MCM6: variants seen among roughly 807,000 people sequenced by gnomAD.
The protein encoded by MCM6 is minichromosome maintenance complex component 6, also known as DNA replication licensing factor MCM6.
MCM6 carries 46 observed loss-of-function variants against 94.3 expected under a neutral mutation model. The ratio of observed to expected loss-of-function variants is 0.49; its 90% CI spans 0.39 to 0.62. The LOEUF (loss-of-function observed/expected upper bound fraction) is 0.62. Ranked by LOEUF, MCM6 falls within the 20% of genes least tolerant of loss-of-function variation. MCM6 has a pLI of 0.00. For missense variants in MCM6, 865 were observed against 1,017.9 expected, an observed-to-expected ratio of 0.85 and a Z score of 2.04; for synonymous variants, 335 against 351.9, an observed-to-expected ratio of 0.95 and a Z score of 0.54.
At chr2:135,870,471 C>A in intron 2 of MCM6, 110 bp from the exon 3 acceptor site, 2 of 741,844 alleles carry the variant, frequency 2.7e-6, no homozygotes, top group East Asian at 4.9e-5. Context: ...TACAACTAAA[C>A]CTTAGAACTT....
Position 135,860,922 on chromosome 2 carries a change from C to T in MCM6, c.1221-1480G>A, listed in dbSNP as rs550714551. On this transcript the variant is annotated intron_variant, in intron 8 of 16. Transcript: ENST00000264156. ...AAAAAGGCAGCCAGATGGGATACTC[C>T]GACTATCATTATATACAGATTTTAT... 2.6e-5 allele frequency among the ~76,000 whole-genome samples: 4 copies of T among 152,206 alleles called. No homozygotes were observed. The South Asian group carries it at 6.2e-4, about 24-fold the overall frequency.
At chr2:135,864,972 T>A in intron 7 of MCM6, 41 bp downstream of exon 7, 1 of 1,322,542 alleles carries the variant, frequency 7.6e-7, no homozygotes, top group Non-Finnish European at 9.9e-7. Flanking sequence ...TAATCATTAT[T>A]TTGATTTCAA....
chr2:135,869,611 A>C (rs1439552965), intron 3 of MCM6, among the ~76,000 whole-genome samples: 1 of 152,158 alleles, frequency 6.6e-6, no homozygotes, highest in Non-Finnish European at 1.5e-5. Context: ...CAGTAGTTTA[A>C]CTTTTCAAAA....
chr2:135,844,480 C>T, intron 16 of MCM6, 65 bp downstream of exon 16: 1 of 1,349,420 alleles, frequency 7.4e-7, no homozygotes, highest in East Asian at 2.7e-5. Context: ...ACTAGTGAAC[C>T]TGCAGATACA....
Position 135,862,739 on chromosome 2 carries a change from T to A in MCM6, c.1088A>T (p.Glu363Val), listed in dbSNP as rs1435797418. The A allele has an allele frequency of 6.2e-7, 1 of 1,613,900 alleles. No homozygotes were observed. Among genetic ancestry groups the A allele is most frequent in the Non-Finnish European group, 8.5e-7 (1 of 1,179,924 alleles). The change falls in exon 8 of 17, where the codon GAA (glutamate) becomes GTA (valine). Residue 363 changes from glutamate (E) to valine (V), a missense_variant. Physicochemically the swap from Glu to Val is moderately radical, Grantham distance 121. This residue lies in a region of MCM6 where 404 missense variants were observed against 451.9 expected (regional missense o/e 0.89). Coordinates refer to ENST00000264156, the MANE Select transcript of MCM6 (RefSeq NM_005915.6). The part of the protein sequence containing the change: ...SLFPTIHGND[E>V]VKRGVLLMLF... ...CATCAGCAGGACACCCCGTTTTACT[T>A]CATCATTGCCTGAAATGAAAAGAAG... is the stretch of plus-strand genomic sequence containing the variant.
At chr2:135,860,618 C>T (rs1312846739) in intron 8 of MCM6, among the ~76,000 whole-genome samples, 1 of 152,126 alleles carries the variant, frequency 6.6e-6, no homozygotes, top group Non-Finnish European at 1.5e-5. Flanking sequence ...TACATGACCA[C>T]CTAAACAGAT....
chr2:135,844,769 T>C, intron 15 of MCM6, 85 bp from the exon 16 acceptor site: 1 of 1,351,736 alleles, frequency 7.4e-7, no homozygotes, highest in Non-Finnish European at 9.7e-7. Context: ...TACAACGAGA[T>C]AATGTACAGA....
chr2:135,866,089 G>A (rs190315404), intron 6 of MCM6, 43 bp downstream of exon 6: 6 of 1,609,592 alleles, frequency 3.7e-6, no homozygotes, highest in Non-Finnish European at 5.1e-6. Context: ...GTGACAGAGA[G>A]AGACTGTTTC....
At chr2:135,860,002 C>T (rs931083121) in intron 8 of MCM6, among the ~76,000 whole-genome samples, 1 of 152,022 alleles carries the variant, frequency 6.6e-6, no homozygotes, top group Non-Finnish European at 1.5e-5. Flanking sequence ...TGGGGTTTCA[C>T]CATGTTGGCC....
chr2:135,846,382 G>A lies in MCM6; in HGVS notation c.2064C>T (p.Asp688=). Residue 688 remains aspartate (D), a synonymous_variant, in exon 15 of 17, where the codon GAC becomes GAT. Transcript: ENST00000264156. ...TGATCCCGTTCACAGGAGCAGGGCTGTCAGCATGACCTAAGTGAAAAATTG... is the reference window on the plus strand; with the variant it reads ...TGATCCCGTTCACAGGAGCAGGGCTATCAGCATGACCTAAGTGAAAAATTG... ...EGAGGINGHA[D]SPAPVNGING... 2 of 1,614,052 alleles carry A rather than the reference G, an allele frequency of 1.2e-6. No individual in the cohort carries two copies. The highest frequency in any genetic ancestry group is 1.7e-4 in the Middle Eastern group (1 of 6,060).
intron 8 of MCM6, 77 bp from the exon 9 acceptor site, chr2:135,859,519 T>G: frequency 1.0e-6 from 1 of 964,550 alleles, no homozygotes; most frequent in Non-Finnish European, 1.5e-6. Flanking sequence ...AGCAGAAGAG[T>G]TTAAATTACT....
intron 8 of MCM6, among the ~76,000 whole-genome samples, chr2:135,861,407 G>A (rs4988197): frequency 0.01 from 1,524 of 152,236 alleles, 26 homozygotes; most frequent in African/African-American, 0.035. Context: ...TGCTGCTAGA[G>A]TAAGACATAA....
intron 2 of MCM6, among the ~76,000 whole-genome samples, chr2:135,871,635 T>C (rs188555436): frequency 6.6e-6 from 1 of 152,336 alleles, no homozygotes; most frequent in East Asian, 1.9e-4. Flanking sequence ...CAAAACAAAA[T>C]AAAAGCCTTC....
chr2:135,866,234 T>C lies in MCM6; in HGVS notation c.825A>G (p.Gly275=). 1 of 1,614,158 alleles carries C rather than the reference T, an allele frequency of 6.2e-7. No homozygotes were observed. The highest frequency in any genetic ancestry group is 8.5e-7 in the Non-Finnish European group (1 of 1,180,000). The change falls in exon 6 of 17, where the codon GGA becomes GGG. Residue 275 remains glycine, a synonymous_variant. Coordinates refer to ENST00000264156, the MANE Select transcript of MCM6 (RefSeq NM_005915.6). ...GTCCTCGAATGCCTTCTGTCTCATA[T>C]CCATCAACACCACTGACACGGGAAT... ...ETNSRVSGVD[G]YETEGIRGLR...
At chr2:135,870,574 T>TA (rs1558763788) in intron 2 of MCM6, among the ~76,000 whole-genome samples, 1 of 152,224 alleles carries the variant, frequency 6.6e-6, no homozygotes, top group African/African-American at 2.4e-5. Context: ...TAAAATGTCA[T>TA]ACCATACCTG....
chr2:135,856,061 C>A (rs1679868448), intron 11 of MCM6, among the ~76,000 whole-genome samples: 1 of 151,702 alleles, frequency 6.6e-6, no homozygotes, highest in African/African-American at 2.4e-5. Flanking sequence ...AAAGAAATTT[C>A]TTTGGCATCC....
At chr2:135,848,572 T>C (rs765556717) in intron 13 of MCM6, among the ~76,000 whole-genome samples, 14 of 152,058 alleles carry the variant, frequency 9.2e-5, no homozygotes, top group Non-Finnish European at 1.9e-4. Context: ...ATCATATGAA[T>C]CCAAAGACAT....
chr2:135,860,113 A>G (rs1442549427), intron 8 of MCM6, among the ~76,000 whole-genome samples: 1 of 149,326 alleles, frequency 6.7e-6, no homozygotes, highest in Non-Finnish European at 1.5e-5. Flanking sequence ...CTAAAACATC[A>G]ATTTTATTTA....
At chr2:135,868,932 G>A (rs374406037) in intron 3 of MCM6, 72 bp from the exon 4 acceptor site, 21 of 1,404,798 alleles carry the variant, frequency 1.5e-5, no homozygotes, top group African/African-American at 1.0e-4. Flanking sequence ...TTAGTGAGAG[G>A]GTATTCAAAG....
Sources: gnomAD v4.1 joint callset for allele counts (sites outside exome capture counted in the v4.1 genomes callset) on GRCh38, gnomAD v4.1.1 for gene constraint, gnomAD v4.1.1 regional missense constraint, MANE v1.5 for transcripts, NCBI Gene and HGNC (gene_info 2026-07-23, HGNC 2026-07-21) for gene names.